The following DPP10 variants were observed in gnomAD, a reference collection of about 807,000 sequenced individuals.
The protein encoded by DPP10 is dipeptidyl peptidase like 10.
In DPP10, 33 loss-of-function variants were observed where a neutral mutation model predicts 120.9. The observed-to-expected ratio is 0.27, with a 90% CI of 0.21 to 0.37. The LOEUF is 0.37. Among genes scored for constraint, DPP10 ranks in the 10% least tolerant of loss-of-function variants. DPP10 has a pLI of 1.00. For synonymous variants in DPP10, 337 were observed against 326.1 expected (o/e 1.03, Z -0.36); for missense variants, 816 against 942.8 (o/e 0.87, Z 1.76).
intron 1 of DPP10, among the ~76,000 whole-genome samples, chr2:114,702,842 G>A (rs1033785973): frequency 6.6e-6 from 1 of 152,104 alleles, no homozygotes; most frequent in Non-Finnish European, 1.5e-5. Flanking sequence ...GGATGGAAAG[G>A]AGCCAAAGGA....
intron 19 of DPP10, among the ~76,000 whole-genome samples, chr2:115,799,034 C>A (rs1168258108): frequency 6.6e-6 from 1 of 152,054 alleles, no homozygotes; most frequent in Non-Finnish European, 1.5e-5. Flanking sequence ...GTTGCTAGAT[C>A]AGCCACAACT....
At chr2:115,499,137 T>G (rs2148786145) in intron 3 of DPP10, among the ~76,000 whole-genome samples, 1 of 152,238 alleles carries the variant, frequency 6.6e-6, no homozygotes, top group South Asian at 2.1e-4. Context: ...CTGGCAGCAC[T>G]TTTAAGTTAA....
At chr2:114,572,184 A>C (rs1018930980) in intron 1 of DPP10, among the ~76,000 whole-genome samples, 1 of 152,026 alleles carries the variant, frequency 6.6e-6, no homozygotes, top group African/African-American at 2.4e-5. Flanking sequence ...AAATAACATC[A>C]TCTTTTGTAA....
chr2:114,713,619 A>T (rs1045777552), intron 1 of DPP10, among the ~76,000 whole-genome samples: 6 of 152,204 alleles, frequency 3.9e-5, no homozygotes, highest in African/African-American at 1.4e-4. Flanking sequence ...AAAATCATTC[A>T]ATCTATGATT....
intron 1 of DPP10, among the ~76,000 whole-genome samples, chr2:114,880,623 C>A (rs1320720497): frequency 6.6e-6 from 1 of 152,092 alleles, no homozygotes; most frequent in East Asian, 1.9e-4. Context: ...TGTGGTCAAT[C>A]ATTAATGAGA....
At chr2:114,872,242 A>C (rs1022610041) in intron 1 of DPP10, among the ~76,000 whole-genome samples, 1 of 152,150 alleles carries the variant, frequency 6.6e-6, no homozygotes, top group African/African-American at 2.4e-5. Context: ...GGAAGCAAAC[A>C]CGTCCTTCTT....
chr2:114,950,404 C>G (rs1443932915), intron 1 of DPP10, among the ~76,000 whole-genome samples: 3 of 149,510 alleles, frequency 2.0e-5, no homozygotes, highest in Non-Finnish European at 4.4e-5. Context: ...ATGCCATTCT[C>G]CTGCCTCAGC....
intron 5 of DPP10, among the ~76,000 whole-genome samples, chr2:115,617,519 A>G (rs1456765984): frequency 6.6e-6 from 1 of 151,820 alleles, no homozygotes; most frequent in East Asian, 1.9e-4. Flanking sequence ...CAGTAGCCCT[A>G]TAAGATTATA....
chr2:115,245,408 G>A (rs1205891245), intron 1 of DPP10, among the ~76,000 whole-genome samples: 3 of 151,902 alleles, frequency 2.0e-5, no homozygotes, highest in African/African-American at 7.3e-5. Context: ...TCAGAGAAAT[G>A]CGAATTAAAA....
chr2:114,609,590 C>CA (rs1693115172), intron 1 of DPP10, among the ~76,000 whole-genome samples: 1 of 151,942 alleles, frequency 6.6e-6, no homozygotes, highest in African/African-American at 2.4e-5. Flanking sequence ...CTTTGTTTTA[C>CA]AAGTGAGGAA....
intron 2 of DPP10, among the ~76,000 whole-genome samples, chr2:115,326,343 A>G (rs551613441): frequency 6.6e-6 from 1 of 152,234 alleles, no homozygotes; most frequent in Admixed American, 6.6e-5. Context: ...TGATGCTGGC[A>G]TAAGTAAACC....
intron 1 of DPP10, among the ~76,000 whole-genome samples, chr2:114,901,695 A>G (rs1341121989): frequency 2.0e-5 from 3 of 152,364 alleles, no homozygotes; most frequent in Admixed American, 6.5e-5. Context: ...TCCTGACTAA[A>G]GAATTAAAAT....
rs1559103639 is a variant in DPP10, at chr2:115,746,072, T to C, written c.853-14T>C. On this transcript the variant is annotated splice_polypyrimidine_tract_variant and intron_variant, in intron 9 of 25. Coordinates refer to ENST00000410059, the MANE Select transcript of DPP10 (RefSeq NM_020868.6). Reference sequence around the variant, plus strand: ...GCTTAATGTACTTGCAATACAACTTTCATTTTCTCAAAGGCAGGTCAAGTG... The same window carrying C: ...GCTTAATGTACTTGCAATACAACTTCCATTTTCTCAAAGGCAGGTCAAGTG... 2.5e-6 allele frequency: 4 copies of C among 1,581,050 alleles called. No homozygotes were observed. The highest frequency in any genetic ancestry group is 1.7e-4 in the Middle Eastern group (1 of 5,976).
At chr2:115,537,468 G>A (rs1297426491) in intron 5 of DPP10, among the ~76,000 whole-genome samples, 1 of 151,700 alleles carries the variant, frequency 6.6e-6, no homozygotes, top group Non-Finnish European at 1.5e-5. Context: ...CTATTATAAG[G>A]CTTTAGAGAG....
At chr2:115,130,217 T>A (rs1032973065) in intron 1 of DPP10, among the ~76,000 whole-genome samples, 2 of 152,204 alleles carry the variant, frequency 1.3e-5, no homozygotes, top group African/African-American at 4.8e-5. Flanking sequence ...TTGTTTGCAT[T>A]TTTGTTCCAT....
intron 1 of DPP10, among the ~76,000 whole-genome samples, chr2:114,977,339 T>G (rs1699816325): frequency 6.6e-6 from 1 of 152,208 alleles, no homozygotes; most frequent in South Asian, 2.1e-4. Flanking sequence ...CTATTTACTT[T>G]GTTATAATGT....
intron 3 of DPP10, among the ~76,000 whole-genome samples, chr2:115,393,310 CAAAA>C (rs3980955): frequency 1.4e-5 from 2 of 144,406 alleles, no homozygotes. Flanking sequence ...AAGACTGTCT[CAAAA>C]AAAAAAAAAA....
intron 7 of DPP10, among the ~76,000 whole-genome samples, chr2:115,726,095 C>T (rs895713665): frequency 1.3e-5 from 2 of 152,092 alleles, no homozygotes; most frequent in African/African-American, 4.8e-5. Context: ...GAGGTGGAAG[C>T]AATAAATATT....
intron 1 of DPP10, among the ~76,000 whole-genome samples, chr2:114,608,601 C>CAT (rs1465526733): frequency 6.6e-6 from 1 of 151,936 alleles, no homozygotes; most frequent in Non-Finnish European, 1.5e-5. Flanking sequence ...CACATACACT[C>CAT]ATATGTTCAT....
Sources: allele counts gnomAD v4.1 joint callset (sites outside exome capture counted in the v4.1 genomes callset), GRCh38; gene constraint gnomAD v4.1.1; transcripts MANE v1.5; gene names NCBI Gene and HGNC (gene_info 2026-07-23, HGNC 2026-07-21).